Variants in SYN3 observed in about 807,000 individuals in gnomAD.
The protein encoded by SYN3 is synapsin III.
SYN3 carries 35 observed loss-of-function variants against 65.8 expected under a neutral mutation model. That is an observed-to-expected ratio of 0.53 (90% CI 0.41 to 0.70). The LOEUF (loss-of-function observed/expected upper bound fraction) is 0.70. SYN3 is among the 30% of genes least tolerant of loss of function. The pLI is 0.00. For synonymous variants in SYN3, 270 were observed against 292.9 expected (o/e 0.92, Z 0.80); for missense variants, 680 against 749.0 (o/e 0.91, Z 1.08).
intron 2 of SYN3, among the ~76,000 whole-genome samples, chr22:33,002,901 T>C (rs1320111327): frequency 6.6e-6 from 1 of 152,154 alleles, no homozygotes; most frequent in East Asian, 1.9e-4. Context: ...TCTCTATGTG[T>C]TGTGGGAGGG....
chr22:32,785,210 A>G lies in SYN3; in HGVS notation c.711+79705T>C, dbSNP rs561801162. 6.6e-5 allele frequency among the ~76,000 whole-genome samples: 10 copies of G among 152,220 alleles called. No homozygotes were observed. The East Asian group carries it at 1.9e-3, about 29-fold the overall frequency. The stretch of plus-strand genomic sequence containing the variant: ...GGTGCAGCTCTTGTTGTGGAGGGTT[A>G]TACAGAGACTCCATGGCTCCTAAGT... On this transcript the variant is annotated intron_variant, in intron 6 of 13. Transcript: ENST00000358763.
At chr22:32,666,665 C>T (rs1035860648) in intron 6 of SYN3, among the ~76,000 whole-genome samples, 9 of 152,216 alleles carry the variant, frequency 5.9e-5, no homozygotes, top group Non-Finnish European at 1.2e-4. Flanking sequence ...GCACATTCCC[C>T]ATCTCCCATC....
intron 6 of SYN3, among the ~76,000 whole-genome samples, chr22:32,699,969 A>G (rs1287506291): frequency 3.3e-5 from 5 of 152,110 alleles, no homozygotes; most frequent in Admixed American, 3.3e-4. Context: ...TAGATGGGGG[A>G]TAATGGGACC....
At chr22:32,869,190 C>T in intron 4 of SYN3, 65 bp from the exon 5 acceptor site, 2 of 1,565,374 alleles carry the variant, frequency 1.3e-6, no homozygotes, top group Non-Finnish European at 1.7e-6. Context: ...CATCCGGCCA[C>T]AGCTTGCTGG....
At chr22:32,989,563 G>A (rs1051471655) in intron 2 of SYN3, among the ~76,000 whole-genome samples, 2 of 152,102 alleles carry the variant, frequency 1.3e-5, no homozygotes, top group East Asian at 3.9e-4. Context: ...GGCCGGGCAC[G>A]GTGGCTTATG....
intron 12 of SYN3, among the ~76,000 whole-genome samples, chr22:32,523,680 T>C (rs142869558): frequency 4.1e-4 from 62 of 152,288 alleles, no homozygotes; most frequent in Non-Finnish European, 7.5e-4. Context: ...AAGAACCCAA[T>C]AATGGCCTCT....
chr22:32,814,349 G>GGA (rs1569245511), intron 6 of SYN3, among the ~76,000 whole-genome samples: 9 of 148,416 alleles, frequency 6.1e-5, no homozygotes, highest in South Asian at 4.2e-4. Context: ...GAGAAAGAAA[G>GGA]AGAGAAAGAA....
Position 32,567,871 on chromosome 22 carries a change from C to T in SYN3, c.775-26158G>A, listed in dbSNP as rs142047371. Among the ~76,000 whole-genome samples the T allele has an allele frequency of 6.1e-3, 932 of 152,230 alleles. 14 individuals carry two copies. The highest frequency in any genetic ancestry group is 0.021 in the African/African-American group (874 of 41,542). On this transcript the variant is annotated intron_variant, in intron 7 of 13. Transcript: ENST00000358763. ...AAGAGGAGGTTTATTGAACTCCTTGCGGGTATAGGTTCCCTGCCTCCCTCC... is the reference window on the plus strand; with the variant it reads ...AAGAGGAGGTTTATTGAACTCCTTGTGGGTATAGGTTCCCTGCCTCCCTCC...
At chr22:32,534,569 T>C (rs2058132096) in intron 9 of SYN3, among the ~76,000 whole-genome samples, 1 of 152,222 alleles carries the variant, frequency 6.6e-6, no homozygotes, top group African/African-American at 2.4e-5. Flanking sequence ...GGGACAGATC[T>C]CAGCACTGGA....
chr22:32,679,719 A>C (rs2147105758), intron 6 of SYN3, among the ~76,000 whole-genome samples: 1 of 151,996 alleles, frequency 6.6e-6, no homozygotes, highest in Non-Finnish European at 1.5e-5. Flanking sequence ...TTTGTTTCCT[A>C]ATGATTAGCC....
In SYN3 at chr22:32,632,470, A is replaced by C. The variant is rs143730855; in HGVS notation, c.712-35734T>G. On this transcript the variant is annotated intron_variant, in intron 6 of 13. Coordinates refer to ENST00000358763, the MANE Select transcript of SYN3 (RefSeq NM_003490.4). ...AGTGGTGCAGTGTTTGATAAATCCTAAACTAATGGGAAGTAGCCCTTGACC... is the reference window on the plus strand; with the variant it reads ...AGTGGTGCAGTGTTTGATAAATCCTCAACTAATGGGAAGTAGCCCTTGACC... 3.7e-3 allele frequency among the ~76,000 whole-genome samples: 566 copies of C among 152,204 alleles called. 3 individuals carry two copies. Among genetic ancestry groups the C allele is most frequent in the African/African-American group, 0.012 (515 of 41,512 alleles).
intron 7 of SYN3, among the ~76,000 whole-genome samples, chr22:32,585,461 G>A (rs2059009593): frequency 6.6e-6 from 1 of 152,172 alleles, no homozygotes; most frequent in Non-Finnish European, 1.5e-5. Context: ...GTGATTGGGT[G>A]AGGAAAATCA....
At chr22:32,930,310 G>A (rs2050592708) in intron 4 of SYN3, among the ~76,000 whole-genome samples, 5 of 152,056 alleles carry the variant, frequency 3.3e-5, no homozygotes, top group Admixed American at 3.3e-4. Flanking sequence ...TTTATAAAGG[G>A]GAGTTTCCCT....
intron 9 of SYN3, among the ~76,000 whole-genome samples, chr22:32,536,282 A>G (rs995847560): frequency 4.6e-5 from 7 of 152,334 alleles, no homozygotes; most frequent in Admixed American, 2.0e-4. Flanking sequence ...CAAGAGACTC[A>G]TTAGCACAGG....
rs559657127 is a variant in SYN3 at position 32,858,229 on chromosome 22, C to T, written c.711+6686G>A. On this transcript the variant is annotated intron_variant, in intron 6 of 13. Transcript: ENST00000358763. ...CCCAATGCACTGGGTGCCAGGCCCT[C>T]GGCTGGGAAGGGTATGCATGTGTTA... 4.2e-5 allele frequency: 66 copies of T among 1,566,276 alleles called. No homozygotes were observed. In the East Asian group the frequency reaches 7.5e-4, roughly 18 times the overall value.
intron 7 of SYN3, among the ~76,000 whole-genome samples, chr22:32,586,543 A>T (rs561963513): frequency 6.6e-6 from 1 of 152,290 alleles, no homozygotes; most frequent in Non-Finnish European, 1.5e-5. Context: ...CATTTTAAAC[A>T]GTGAAATCAT....
At chr22:32,832,541 G>GT (rs11295694) in intron 6 of SYN3, among the ~76,000 whole-genome samples, 3,253 of 138,360 alleles carry the variant, frequency 0.024, 79 homozygotes, top group African/African-American at 0.06. Flanking sequence ...ATAAGCCTGG[G>GT]TTTTTTTTTT....
At chr22:32,528,171 G>T (rs745425233) in intron 11 of SYN3, among the ~76,000 whole-genome samples, 166 bp from the exon 12 acceptor site, 52 of 152,176 alleles carry the variant, frequency 3.4e-4, no homozygotes, top group Non-Finnish European at 6.3e-4. Flanking sequence ...ATGTGTATAC[G>T]TCGGTGTAAC....
chr22:33,004,660 T>C (rs752538826), intron 2 of SYN3, among the ~76,000 whole-genome samples: 2 of 152,246 alleles, frequency 1.3e-5, no homozygotes, highest in Admixed American at 1.3e-4. Context: ...AATACCTCCA[T>C]TGGATCTAGG....
Sources: gnomAD v4.1 joint callset for allele counts (sites outside exome capture counted in the v4.1 genomes callset) on GRCh38, gnomAD v4.1.1 for gene constraint, MANE v1.5 for transcripts, NCBI Gene and HGNC (gene_info 2026-07-23, HGNC 2026-07-21) for gene names.